EYS: variants seen among roughly 807,000 people sequenced by gnomAD.
EYS encodes protein eyes shut homolog.
A neutral mutation model predicts 282.1 loss-of-function variants in EYS; 250 were observed. The observed-to-expected ratio is 0.89, with a 90% CI of 0.80 to 0.98. EYS has a LOEUF of 0.98. Among genes scored for constraint, EYS ranks in the 50% least tolerant of loss-of-function variants. The pLI is 0.00. For missense variants in EYS, 4,016 were observed against 3,709.0 expected, an observed-to-expected ratio of 1.08 and a Z score of -2.15; for synonymous variants, 1,355 against 1,282.9, an observed-to-expected ratio of 1.06 and a Z score of -1.20.
chr6:65,081,326 G>C (rs1774225259), intron 12 of EYS, among the ~76,000 whole-genome samples: 1 of 151,934 alleles, frequency 6.6e-6, no homozygotes. Context: ...GCTAACCTAA[G>C]GCAACAAAAC....
In EYS at chr6:63,763,523, A is replaced by T. The variant is rs150226108; in HGVS notation, c.7899-890T>A. Among the ~76,000 whole-genome samples, 181 of 151,980 alleles carry T rather than the reference A, an allele frequency of 1.2e-3. 2 individuals carry two copies. The highest frequency in any genetic ancestry group is 4.2e-3 in the African/African-American group (175 of 41,470). ...GTTGTGGGAGGGACCAGGTGGAGAA[A>T]ATTGACTCATGGGGGAGGTTTCCCC... On this transcript the variant is annotated intron_variant, in intron 40 of 42. Coordinates refer to ENST00000503581, the MANE Select transcript of EYS (RefSeq NM_001142800.2).
chr6:64,604,815 T>C (rs911516857), intron 24 of EYS, among the ~76,000 whole-genome samples: 3 of 151,872 alleles, frequency 2.0e-5, no homozygotes, highest in African/African-American at 4.8e-5. Context: ...AGAAGGGAAA[T>C]GGAAAGCATA....
At chr6:64,717,551 A>G (rs1254105949) in intron 22 of EYS, among the ~76,000 whole-genome samples, 3 of 152,194 alleles carry the variant, frequency 2.0e-5, no homozygotes, top group Non-Finnish European at 2.9e-5. Context: ...CATACAGATG[A>G]AGCTTTGCTT....
chr6:64,521,142 G>A (rs1777720717), intron 26 of EYS, among the ~76,000 whole-genome samples: 1 of 151,754 alleles, frequency 6.6e-6, no homozygotes, highest in Non-Finnish European at 1.5e-5. Flanking sequence ...TTCAGCCTGT[G>A]ACTGACTTAA....
intron 22 of EYS, among the ~76,000 whole-genome samples, chr6:64,745,693 G>A (rs1249574597): frequency 6.6e-6 from 1 of 152,022 alleles, no homozygotes; most frequent in African/African-American, 2.4e-5. Context: ...CAGAAAAATG[G>A]TACCCCTATG....
At chr6:64,461,188 C>T (rs1775732433) in intron 26 of EYS, among the ~76,000 whole-genome samples, 1 of 152,128 alleles carries the variant, frequency 6.6e-6, no homozygotes, top group African/African-American at 2.4e-5. Flanking sequence ...TCTAAGAAGG[C>T]TTATTGACCA....
At chr6:65,116,659 A>G (rs1775382667) in intron 12 of EYS, among the ~76,000 whole-genome samples, 1 of 152,124 alleles carries the variant, frequency 6.6e-6, no homozygotes, top group African/African-American at 2.4e-5. Context: ...AGGAAGGTAA[A>G]TGAAGCTGCT....
intron 19 of EYS, among the ~76,000 whole-genome samples, chr6:64,840,952 A>G (rs1186070620): frequency 6.6e-6 from 1 of 152,144 alleles, no homozygotes; most frequent in East Asian, 1.9e-4. Flanking sequence ...GAATATACCC[A>G]TCATAACAGA....
At chr6:65,198,807 T>C (rs1386582334) in intron 12 of EYS, among the ~76,000 whole-genome samples, 1 of 152,090 alleles carries the variant, frequency 6.6e-6, no homozygotes, top group Non-Finnish European at 1.5e-5. Flanking sequence ...GGTGGTAACC[T>C]TGAAGATGAA....
At chr6:64,082,036 A>G (rs2149869165) in intron 31 of EYS, 34 bp from the exon 32 acceptor site, 1 of 1,380,874 alleles carries the variant, frequency 7.2e-7, no homozygotes, top group Non-Finnish European at 9.9e-7. Context: ...ATGTTCTGAT[A>G]GCATTATATT....
At chr6:65,587,206 T>G (rs768830242) in intron 2 of EYS, among the ~76,000 whole-genome samples, 42 of 152,228 alleles carry the variant, frequency 2.8e-4, no homozygotes, top group Non-Finnish European at 4.7e-4. Context: ...ATTGGTTTTA[T>G]AATCCTTTGG....
intron 12 of EYS, among the ~76,000 whole-genome samples, chr6:65,156,353 G>A (rs1015219763): frequency 6.6e-6 from 1 of 150,974 alleles, no homozygotes; most frequent in South Asian, 2.1e-4. Context: ...CCGTATTCTT[G>A]TAGTCTTAGA....
intron 26 of EYS, among the ~76,000 whole-genome samples, chr6:64,477,675 A>G (rs1776316281): frequency 6.6e-6 from 1 of 152,064 alleles, no homozygotes; most frequent in African/African-American, 2.4e-5. Context: ...ATGGTAAACC[A>G]TGGTATTATT....
intron 12 of EYS, among the ~76,000 whole-genome samples, chr6:65,293,345 G>GA (rs1013453665): frequency 5.9e-5 from 9 of 151,518 alleles, no homozygotes; most frequent in African/African-American, 1.9e-4. Flanking sequence ...GTTATAACCT[G>GA]AAAAAACACA....
intron 16 of EYS, among the ~76,000 whole-genome samples, chr6:64,906,470 A>G (rs1278132132): frequency 6.6e-6 from 1 of 152,162 alleles, no homozygotes; most frequent in Non-Finnish European, 1.5e-5. Context: ...TATACAAACT[A>G]TTTTGTCAAA....
chr6:64,137,122 T>C (rs141932215), intron 31 of EYS, among the ~76,000 whole-genome samples: 70 of 152,290 alleles, frequency 4.6e-4, no homozygotes, highest in African/African-American at 1.5e-3. Flanking sequence ...TTCTCTGACA[T>C]GGAGATGGCT....
Position 65,153,650 on chromosome 6 carries a change from G to T in EYS, c.2024-95923C>A, listed in dbSNP as rs189749501. Among the ~76,000 whole-genome samples the T allele has an allele frequency of 9.2e-5, 14 of 151,662 alleles. No individual in the cohort carries two copies. The East Asian group carries it at 2.7e-3, about 30-fold the overall frequency. ...CATTATGATTTCTAATCAGCCTTCT[G>T]TATTCTCTTGTTAACTGCATACTGA... On this transcript the variant is annotated intron_variant, in intron 12 of 42. Transcript: ENST00000503581.
At chr6:65,475,947 A>T (rs1462776898) in intron 5 of EYS, among the ~76,000 whole-genome samples, 1 of 152,048 alleles carries the variant, frequency 6.6e-6, no homozygotes, top group African/African-American at 2.4e-5. Flanking sequence ...AATGATGTTC[A>T]CTCTGTATTT....
intron 26 of EYS, among the ~76,000 whole-genome samples, chr6:64,450,865 G>C (rs1334573374): frequency 6.6e-6 from 1 of 152,140 alleles, no homozygotes; most frequent in Non-Finnish European, 1.5e-5. Flanking sequence ...GCAGTGTATA[G>C]AGGGAAATTT....
Sources: gnomAD v4.1 joint callset for allele counts (sites outside exome capture counted in the v4.1 genomes callset) on GRCh38, gnomAD v4.1.1 for gene constraint, MANE v1.5 for transcripts, NCBI Gene and HGNC (gene_info 2026-07-23, HGNC 2026-07-21) for gene names.